Variants in MAF observed in about 807,000 individuals in gnomAD.
MAF encodes the protein MAF bZIP transcription factor.
A neutral mutation model predicts 22.0 loss-of-function variants in MAF; 10 were observed. The ratio of observed to expected loss-of-function variants is 0.45; its 90% CI spans 0.28 to 0.77. The LOEUF is 0.77. Ranked by LOEUF, MAF falls within the 30% of genes least tolerant of loss-of-function variation. The pLI is 0.12. For synonymous variants in MAF, 337 were observed against 255.8 expected (o/e 1.32, Z -3.03); for missense variants, 544 against 548.4 (o/e 0.99, Z 0.08).
the MAF span, among the ~76,000 whole-genome samples, chr16:79,461,992 A>T: frequency 6.6e-6 from 1 of 152,142 alleles, no homozygotes; most frequent in South Asian, 2.1e-4. Flanking sequence ...GGCACCTGCC[A>T]CCCATTCCAG....
At chr16:79,243,961 A>G in the MAF span, among the ~76,000 whole-genome samples, 2 of 152,108 alleles carry the variant, frequency 1.3e-5, no homozygotes. Flanking sequence ...ACCAATGAAA[A>G]AAACCACGTG....
the MAF span, among the ~76,000 whole-genome samples, chr16:79,369,763 T>C: frequency 0.045 from 6,915 of 152,298 alleles, 496 homozygotes; most frequent in African/African-American, 0.16. Context: ...CCACCCTCCA[T>C]GATGGGTTCA....
chr16:79,466,400 C>A, the MAF span, among the ~76,000 whole-genome samples: 2,510 of 152,316 alleles, frequency 0.016, 31 homozygotes, highest in Non-Finnish European at 0.02. Context: ...CTTCAGGTTT[C>A]ATCTTGGCAG....
the MAF span, among the ~76,000 whole-genome samples, chr16:79,233,961 C>A: frequency 2.0e-5 from 3 of 147,592 alleles, no homozygotes; most frequent in Admixed American, 1.4e-4. Flanking sequence ...AACTGCACTC[C>A]AGTCTGGGCG....
the MAF span, among the ~76,000 whole-genome samples, chr16:79,239,900 G>A: frequency 6.6e-6 from 1 of 152,062 alleles, no homozygotes; most frequent in Admixed American, 6.6e-5. Context: ...CTTGAAGAAA[G>A]ATGATTATTT....
chr16:79,383,214 C>T, the MAF span, among the ~76,000 whole-genome samples: 1 of 151,880 alleles, frequency 6.6e-6, no homozygotes, highest in South Asian at 2.1e-4. Context: ...AACTGAAACC[C>T]TGGACTGGGG....
the MAF span, among the ~76,000 whole-genome samples, chr16:79,299,397 A>G: frequency 3.2e-4 from 48 of 152,290 alleles, 1 homozygote; most frequent in Non-Finnish European, 8.8e-5. Flanking sequence ...GAATTAAAAC[A>G]GCAAACTCCA....
the MAF span, among the ~76,000 whole-genome samples, chr16:79,411,243 T>C: frequency 6.6e-6 from 1 of 152,140 alleles, no homozygotes; most frequent in Non-Finnish European, 1.5e-5. Context: ...CGTTATTTTT[T>C]GTCCCTCAAG....
chr16:79,376,530 C>CT, the MAF span, among the ~76,000 whole-genome samples: 1 of 151,326 alleles, frequency 6.6e-6, no homozygotes, highest in Non-Finnish European at 1.5e-5. Flanking sequence ...TATTTTTTTT[C>CT]TTTTTTTAAA....
At chr16:79,384,553 T>C in the MAF span, among the ~76,000 whole-genome samples, 1 of 151,392 alleles carries the variant, frequency 6.6e-6, no homozygotes, top group Non-Finnish European at 1.5e-5. Flanking sequence ...GTCAGGAGAT[T>C]GAGACCATCC....
the MAF span, among the ~76,000 whole-genome samples, chr16:79,290,045 C>T: frequency 2.6e-5 from 4 of 151,818 alleles, no homozygotes; most frequent in Non-Finnish European, 4.4e-5. Flanking sequence ...TTAGTAGAGA[C>T]GGGGTTTCAC....
chr16:79,407,633 T>C, the MAF span, among the ~76,000 whole-genome samples: 1 of 152,154 alleles, frequency 6.6e-6, no homozygotes, highest in Non-Finnish European at 1.5e-5. Flanking sequence ...GAAGTCCCCC[T>C]GGTAATCTCA....
At chr16:79,311,704 G>C in the MAF span, among the ~76,000 whole-genome samples, 1 of 152,082 alleles carries the variant, frequency 6.6e-6, no homozygotes, top group African/African-American at 2.4e-5. Context: ...CAATTCCACA[G>C]CTTGGATGTT....
At chr16:79,279,161 G>A in the MAF span, among the ~76,000 whole-genome samples, 5 of 152,062 alleles carry the variant, frequency 3.3e-5, no homozygotes. Flanking sequence ...CTTCTCTAAG[G>A]TCACGCACAT....
At chr16:79,527,401 G>A in the MAF span, among the ~76,000 whole-genome samples, 3 of 152,180 alleles carry the variant, frequency 2.0e-5, no homozygotes, top group Non-Finnish European at 4.4e-5. Context: ...GGCATCTCAA[G>A]TCAGAAGAGC....
chr16:79,226,232 A>C, the MAF span, among the ~76,000 whole-genome samples: 1 of 152,206 alleles, frequency 6.6e-6, no homozygotes, highest in Admixed American at 6.5e-5. Flanking sequence ...CTTTGCAGGG[A>C]CATGGATGAA....
the MAF span, among the ~76,000 whole-genome samples, chr16:79,276,651 G>A: frequency 6.6e-6 from 1 of 152,184 alleles, no homozygotes; most frequent in African/African-American, 2.4e-5. Flanking sequence ...TGGGATCGGA[G>A]TGCAGGAGCC....
the MAF span, among the ~76,000 whole-genome samples, chr16:79,501,901 T>C: frequency 2.6e-5 from 4 of 152,208 alleles, no homozygotes; most frequent in Admixed American, 2.0e-4. Flanking sequence ...CTCTGTATTT[T>C]TCCCCCGCCA....
the MAF span, among the ~76,000 whole-genome samples, chr16:79,271,567 A>T: frequency 6.6e-6 from 1 of 152,348 alleles, no homozygotes; most frequent in East Asian, 1.9e-4. Context: ...TAATTCAAGC[A>T]TTAAAATAAT....
Sources: gnomAD v4.1 joint callset for allele counts (sites outside exome capture counted in the v4.1 genomes callset) on GRCh38, gnomAD v4.1.1 for gene constraint, MANE v1.5 for transcripts, NCBI Gene and HGNC (gene_info 2026-07-23, HGNC 2026-07-21) for gene names.